Variants in RABGEF1 observed in about 807,000 individuals in gnomAD.
The protein encoded by RABGEF1 is RAB guanine nucleotide exchange factor 1.
In RABGEF1, 26 loss-of-function variants were observed where a neutral mutation model predicts 57.3. That is an observed-to-expected ratio of 0.45 (90% CI 0.33 to 0.63). RABGEF1 has a LOEUF of 0.63. RABGEF1 is among the 20% of genes least tolerant of loss of function. The pLI is 0.02. For synonymous variants in RABGEF1, 185 were observed against 210.7 expected (o/e 0.88, Z 1.06); for missense variants, 464 against 607.6 (o/e 0.76, Z 2.48).
At chr7:66,681,829 C>G (rs1186066031), upstream of RABGEF1, among the ~76,000 whole-genome samples, 3 of 152,226 alleles carry the variant, frequency 2.0e-5, no homozygotes, top group Non-Finnish European at 4.4e-5. Flanking sequence ...GGCCTCGGCT[C>G]CAGGAGTCGC....
chr7:66,723,071 C>T (rs1304219747), intron 2 of RABGEF1, among the ~76,000 whole-genome samples: 4 of 152,150 alleles, frequency 2.6e-5, no homozygotes, highest in Middle Eastern at 3.4e-3. Flanking sequence ...TGAGTTCAAG[C>T]GATTCTCCTA....
intron 1 of RABGEF1, among the ~76,000 whole-genome samples, chr7:66,685,513 G>A (rs552708421): frequency 1.3e-5 from 2 of 152,224 alleles, no homozygotes; most frequent in African/African-American, 4.8e-5. Flanking sequence ...AAAGATTCTT[G>A]AAGTGAATGT....
chr7:66,716,660 T>A (rs1282228200), intron 2 of RABGEF1, among the ~76,000 whole-genome samples: 4 of 152,082 alleles, frequency 2.6e-5, no homozygotes, highest in East Asian at 1.9e-4. Context: ...TGTCTTTTTT[T>A]AAAAAAAACT....
chr7:66,775,879 A>C (rs1349459168), intron 3 of RABGEF1, among the ~76,000 whole-genome samples: 3 of 152,186 alleles, frequency 2.0e-5, no homozygotes, highest in Non-Finnish European at 4.4e-5. Context: ...AAAAGGCCCA[A>C]GTTGGGCTCT....
intron 1 of RABGEF1, among the ~76,000 whole-genome samples, chr7:66,694,956 G>A (rs554150709): frequency 2.0e-4 from 31 of 152,278 alleles, no homozygotes; most frequent in African/African-American, 7.2e-4. Flanking sequence ...TGTTGAGGAC[G>A]AGGCTGGTGA....
intron 1 of RABGEF1, among the ~76,000 whole-genome samples, chr7:66,771,057 C>A (rs1384370042): frequency 1.3e-5 from 2 of 152,112 alleles, no homozygotes; most frequent in East Asian, 3.9e-4. Flanking sequence ...ATATGGTTTG[C>A]AGATAAGTTC....
upstream of RABGEF1, among the ~76,000 whole-genome samples, chr7:66,678,791 C>T (rs1315078861): frequency 6.6e-6 from 1 of 152,102 alleles, no homozygotes; most frequent in Non-Finnish European, 1.5e-5. Context: ...TGCTGGCAAG[C>T]ATGGACAAAG....
the RABGEF1 span, among the ~76,000 whole-genome samples, chr7:66,664,757 C>T: frequency 0.041 from 6,184 of 152,270 alleles, 174 homozygotes; most frequent in East Asian, 0.087. Context: ...TCCGGTGCGC[C>T]GGCGGCTGCC....
the RABGEF1 span, among the ~76,000 whole-genome samples, chr7:66,665,679 C>T: frequency 3.3e-5 from 5 of 152,168 alleles, no homozygotes; most frequent in South Asian, 8.3e-4. Context: ...CGGCAAATGT[C>T]GGTCCCTTTC....
At chr7:66,663,503 G>C in the RABGEF1 span, among the ~76,000 whole-genome samples, 1 of 150,580 alleles carries the variant, frequency 6.6e-6, no homozygotes, top group East Asian at 2.0e-4. Flanking sequence ...ACTTGAACCT[G>C]GGAGGTGGAG....
At chr7:66,785,890 A>C (rs1461557688) in intron 4 of RABGEF1, among the ~76,000 whole-genome samples, 1 of 151,672 alleles carries the variant, frequency 6.6e-6, no homozygotes, top group Non-Finnish European at 1.5e-5. Flanking sequence ...AAAAAAAAAA[A>C]GTCTTTGTAC....
At chr7:66,760,046 T>C (rs1225728063) in intron 1 of RABGEF1, among the ~76,000 whole-genome samples, 3 of 152,186 alleles carry the variant, frequency 2.0e-5, no homozygotes, top group African/African-American at 7.2e-5. Flanking sequence ...ATAGGGCTAG[T>C]ACAAGACCTC....
At chr7:66,739,460 C>G (rs1265495332), upstream of RABGEF1, among the ~76,000 whole-genome samples, 1 of 150,780 alleles carries the variant, frequency 6.6e-6, no homozygotes, top group Admixed American at 6.6e-5. Flanking sequence ...TCAAAACCAG[C>G]CTGGCCAACA....
At chr7:66,807,009 C>CT (rs945511866) in intron 8 of RABGEF1, among the ~76,000 whole-genome samples, 9 of 151,940 alleles carry the variant, frequency 5.9e-5, no homozygotes, top group African/African-American at 2.2e-4. Context: ...GGATTCAGTT[C>CT]TTTATCCAAA....
intron 2 of RABGEF1, among the ~76,000 whole-genome samples, chr7:66,725,692 A>G (rs1796509488): frequency 6.6e-6 from 1 of 152,234 alleles, no homozygotes; most frequent in Admixed American, 6.5e-5. Flanking sequence ...AGAAGGCCAC[A>G]CTGTGGGTGG....
At chr7:66,705,533 A>G (rs1304522942) in intron 1 of RABGEF1, among the ~76,000 whole-genome samples, 1 of 149,716 alleles carries the variant, frequency 6.7e-6, no homozygotes, top group Non-Finnish European at 1.5e-5. Flanking sequence ...AAGAGGAGGA[A>G]GAAAAATGGA....
At chr7:66,727,392 A>C (rs1796711185) in intron 2 of RABGEF1, among the ~76,000 whole-genome samples, 1 of 152,190 alleles carries the variant, frequency 6.6e-6, no homozygotes, top group South Asian at 2.1e-4. Context: ...TGGCCACCCC[A>C]TCCCATGGCA....
chr7:66,788,780 C>G lies in RABGEF1; in HGVS notation c.513+4939C>G, dbSNP rs112711790. The stretch of plus-strand genomic sequence containing the variant: ...GATCACCTGGCCAACATAGTGAAAT[C>G]CCGTCTCTACTAAAAATACAAAAAA... On this transcript the variant is annotated intron_variant, in intron 4 of 8. Transcript: ENST00000284957. 1.7e-3 allele frequency among the ~76,000 whole-genome samples: 256 copies of G among 152,064 alleles called. 1 individual carries two copies. Among genetic ancestry groups the G allele is most frequent in the African/African-American group, 6.0e-3 (249 of 41,474 alleles).
chr7:66,696,925 G>A (rs1362405679), intron 1 of RABGEF1, among the ~76,000 whole-genome samples: 1 of 152,160 alleles, frequency 6.6e-6, no homozygotes, highest in Non-Finnish European at 1.5e-5. Context: ...ATGCAGGAAG[G>A]GGAAGAACAG....
Sources: allele counts gnomAD v4.1 joint callset (sites outside exome capture counted in the v4.1 genomes callset), GRCh38; gene constraint gnomAD v4.1.1; transcripts MANE v1.5; gene names NCBI Gene and HGNC (gene_info 2026-07-23, HGNC 2026-07-21).